GALNT9: variants seen among roughly 807,000 people sequenced by gnomAD.
GALNT9 encodes polypeptide N-acetylgalactosaminyltransferase 9, also known as GalNAc transferase 9.
Under a neutral mutation model 63.1 loss-of-function variants are expected in GALNT9, and 47 were observed. The observed-to-expected ratio is 0.75, with a 90% CI of 0.59 to 0.95. The LOEUF is 0.95. GALNT9 is among the 40% of genes least tolerant of loss of function. GALNT9 has a pLI of 0.00. For missense variants in GALNT9, 829 were observed against 874.8 expected (o/e 0.95, Z 0.66); for synonymous variants, 396 against 365.7 (o/e 1.08, Z -0.94).
chr12:132,251,046 A>G (rs1322854422), intron 5 of GALNT9, among the ~76,000 whole-genome samples: 2 of 152,178 alleles, frequency 1.3e-5, no homozygotes, highest in Non-Finnish European at 2.9e-5. Context: ...GTCCTTCCAC[A>G]CGGAGTTTGG....
At chr12:132,239,001 C>G (rs2136896385) in intron 6 of GALNT9, among the ~76,000 whole-genome samples, 74 of 152,146 alleles carry the variant, frequency 4.9e-4, no homozygotes, top group Admixed American at 1.2e-3. Flanking sequence ...GATGGCCGCT[C>G]GAAAGGTGAG....
chr12:132,256,206 G>A (rs1169074881), intron 5 of GALNT9, among the ~76,000 whole-genome samples: 2 of 152,010 alleles, frequency 1.3e-5, no homozygotes, highest in Non-Finnish European at 2.9e-5. Flanking sequence ...TCCCAGGCAG[G>A]CCCCTTCCCT....
At chr12:132,262,182 C>G (rs1280592990) in intron 3 of GALNT9, among the ~76,000 whole-genome samples, 5 of 152,188 alleles carry the variant, frequency 3.3e-5, no homozygotes, top group Admixed American at 2.0e-4. Context: ...TGTGTCTAGT[C>G]TGGGTCCTCA....
chr12:132,260,557 C>G (rs928044913), intron 4 of GALNT9, among the ~76,000 whole-genome samples: 7 of 152,232 alleles, frequency 4.6e-5, no homozygotes, highest in Non-Finnish European at 8.8e-5. Context: ...CTTAGCCCCA[C>G]CCCACCTGAT....
intron 5 of GALNT9, among the ~76,000 whole-genome samples, chr12:132,257,063 A>G (rs1879148773): frequency 6.6e-6 from 1 of 152,074 alleles, no homozygotes; most frequent in African/African-American, 2.4e-5. Flanking sequence ...TGCCTTGAAG[A>G]CTTGATGGGG....
chr12:132,235,664 T>A (rs1252404788), intron 6 of GALNT9, among the ~76,000 whole-genome samples: 1 of 151,442 alleles, frequency 6.6e-6, no homozygotes, highest in Non-Finnish European at 1.5e-5. Context: ...GGCCAGCCCC[T>A]CGGGACAGGG....
At chr12:132,297,325 A>G (rs1266825684) in intron 1 of GALNT9, among the ~76,000 whole-genome samples, 1 of 147,828 alleles carries the variant, frequency 6.8e-6, no homozygotes, top group Non-Finnish European at 1.5e-5. Flanking sequence ...AAGTCACTCC[A>G]GAGATGACCA....
intron 3 of GALNT9, among the ~76,000 whole-genome samples, chr12:132,261,564 C>T (rs1201025658): frequency 6.6e-6 from 1 of 152,234 alleles, no homozygotes; most frequent in South Asian, 2.1e-4. Flanking sequence ...CCACACACCA[C>T]CTTCTCCAGC....
At chr12:132,243,814 G>T (rs1159291944) in intron 6 of GALNT9, among the ~76,000 whole-genome samples, 5 of 152,128 alleles carry the variant, frequency 3.3e-5, no homozygotes, top group Admixed American at 1.3e-4. Flanking sequence ...ATCAGCCGCT[G>T]TCCCAGCCCA....
chr12:132,227,393 C>A (rs1877735725), intron 6 of GALNT9, among the ~76,000 whole-genome samples: 1 of 152,138 alleles, frequency 6.6e-6, no homozygotes, highest in Non-Finnish European at 1.5e-5. Flanking sequence ...GGCCGCAGCT[C>A]CCTCCGAAGC....
Position 132,197,060 on chromosome 12 carries a change from G to T in GALNT9, c.*47C>A. 1 of 1,603,458 alleles carries T rather than the reference G, an allele frequency of 6.2e-7. No homozygotes were observed. Among genetic ancestry groups the T allele is most frequent in the South Asian group, 1.1e-5 (1 of 90,290 alleles). On this transcript the variant is annotated 3_prime_UTR_variant, in exon 11 of 11. Transcript: ENST00000328957. Reference sequence around the variant, plus strand: ...CCCGGTCACTCAGCCACACTGGCTCGGCCCAGCGCCTTCCCGAGGTCTGTG... The same window carrying T: ...CCCGGTCACTCAGCCACACTGGCTCTGCCCAGCGCCTTCCCGAGGTCTGTG...
chr12:132,290,566 CCACCCACATCCACAG>C (rs1880771630), intron 1 of GALNT9, among the ~76,000 whole-genome samples: 1 of 136,624 alleles, frequency 7.3e-6, no homozygotes, highest in Non-Finnish European at 1.6e-5. Flanking sequence ...CACGTCCACA[CCACCCACATCCACAG>C]CGCCCACATC....
chr12:132,284,041 GAC>G (rs1448716857), intron 2 of GALNT9: 1 of 152,134 alleles, frequency 6.6e-6, no homozygotes, highest in Non-Finnish European at 1.5e-5. Context: ...CCAAATTCAG[GAC>G]ACACAGGAGC....
At chr12:132,254,758 G>T (rs1331930665) in intron 5 of GALNT9, among the ~76,000 whole-genome samples, 2 of 152,146 alleles carry the variant, frequency 1.3e-5, no homozygotes, top group African/African-American at 2.4e-5. Flanking sequence ...AGTCCTCTTG[G>T]TCTGTCCCTA....
intron 6 of GALNT9, among the ~76,000 whole-genome samples, chr12:132,212,814 C>T (rs558325314): frequency 2.9e-4 from 16 of 55,050 alleles, no homozygotes; most frequent in African/African-American, 1.1e-3. Flanking sequence ...ACGGAAACCC[C>T]ACCCGGGTCT....
chr12:132,209,564 G>T (rs1007302676), intron 6 of GALNT9, among the ~76,000 whole-genome samples: 54 of 152,000 alleles, frequency 3.6e-4, no homozygotes, highest in African/African-American at 1.2e-3. Context: ...AAACAAACAG[G>T]TTCCAGTAAA....
At chr12:132,313,131 A>T (rs570776081) in intron 1 of GALNT9, among the ~76,000 whole-genome samples, 4 of 134,912 alleles carry the variant, frequency 3.0e-5, no homozygotes, top group Non-Finnish European at 4.7e-5. Flanking sequence ...CCACCCATTC[A>T]TCTCTCCACC....
At chr12:132,305,462 T>C (rs1339469661) in intron 1 of GALNT9, among the ~76,000 whole-genome samples, 4 of 31,270 alleles carry the variant, frequency 1.3e-4, no homozygotes, top group East Asian at 1.1e-3. Context: ...CAGCCTGACC[T>C]GGGCACACCC....
chr12:132,299,284 A>G (rs1359486435), intron 1 of GALNT9, among the ~76,000 whole-genome samples: 6 of 136,694 alleles, frequency 4.4e-5, no homozygotes, highest in Non-Finnish European at 9.3e-5. Flanking sequence ...ACTCACTCCC[A>G]TAACTCACCC....
Sources: allele counts gnomAD v4.1 joint callset (sites outside exome capture counted in the v4.1 genomes callset), GRCh38; gene constraint gnomAD v4.1.1; transcripts MANE v1.5; gene names NCBI Gene and HGNC (gene_info 2026-07-23, HGNC 2026-07-21).